The following ACO1 variants were observed in gnomAD, a reference collection of about 807,000 sequenced individuals.
ACO1 encodes the protein aconitase 1.
Under a neutral mutation model 105.1 loss-of-function variants are expected in ACO1, and 78 were observed. The observed-to-expected ratio is 0.74, with a 90% CI of 0.62 to 0.90. The LOEUF is 0.90. ACO1 is among the 40% of genes least tolerant of loss of function. The pLI, the probability that ACO1 is intolerant of heterozygous loss-of-function variation, is 0.00. For synonymous variants in ACO1, 364 were observed against 397.4 expected (o/e 0.92, Z 1.00); for missense variants, 965 against 1,111.1 (o/e 0.87, Z 1.87).
At position 32,423,177 on chromosome 9, in the gene ACO1, A is replaced by T. The variant is rs1822012521; in HGVS notation, c.971-142A>T. On this transcript the variant is annotated intron_variant, in intron 8 of 20. Coordinates refer to ENST00000309951, the MANE Select transcript of ACO1 (RefSeq NM_002197.3). The stretch of plus-strand genomic sequence containing the variant: ...GTCAAACCATTAGCCTGGAAGCCTA[A>T]AAATTGACAGAGCTGTTGGTGTGTG... The T allele has an allele frequency of 9.5e-6, 5 of 524,552 alleles. No homozygotes were observed. In the Admixed American group the frequency reaches 1.7e-4, roughly 18 times the overall value. 32.5% of individuals were successfully genotyped at this position (524,552 alleles called of 1,614,324 possible). A position where few individuals can be genotyped will look rare whatever the true frequency, so the allele number is the denominator to read the frequency against.
chr9:32,395,015 C>T (rs7847742), intron 1 of ACO1, among the ~76,000 whole-genome samples: 65,841 of 151,950 alleles, frequency 0.43, 14,778 homozygotes, highest in Non-Finnish European at 0.5. Context: ...ATTCCTAATT[C>T]CTAAAGTTTG....
chr9:32,435,927 T>C (rs1822345695), intron 17 of ACO1: 3 of 455,538 alleles, frequency 6.6e-6, no homozygotes, highest in South Asian at 5.3e-5. Flanking sequence ...CTCTTTATCT[T>C]ATATGAAGCT....
chr9:32,443,717 T>A (rs763321550), intron 19 of ACO1, among the ~76,000 whole-genome samples: 54 of 152,342 alleles, frequency 3.5e-4, no homozygotes, highest in Non-Finnish European at 5.3e-4. Context: ...AGTGTAGTGA[T>A]ATTTTTCACT....
intron 1 of ACO1, among the ~76,000 whole-genome samples, chr9:32,391,017 T>C (rs1821257155): frequency 6.6e-6 from 1 of 152,224 alleles, no homozygotes. Context: ...TTAGAATGTA[T>C]ATTTAAATCT....
intron 1 of ACO1, among the ~76,000 whole-genome samples, chr9:32,388,448 T>C (rs1377648911): frequency 5.3e-5 from 8 of 151,882 alleles, no homozygotes; most frequent in Admixed American, 5.2e-4. Context: ...GGCAGGAAGA[T>C]CACCTGGGAA....
At position 32,450,079 on chromosome 9, in the gene ACO1, C is replaced by CTCAACTACATGATCCGCA; in HGVS notation, c.2639_2656dup (p.Arg885_Lys886insIleAsnTyrMetIleArg). On this transcript the variant is annotated inframe_insertion, in exon 21 of 21. Transcript: ENST00000309951. ...CACTTATTTCCTCAACGGGGGCATC[C>CTCAACTACATGATCCGCA]TCAACTACATGATCCGCAAGATGGC... is the stretch of plus-strand genomic sequence containing the variant. 1 of 1,613,898 alleles carries CTCAACTACATGATCCGCA rather than the reference C, an allele frequency of 6.2e-7. No homozygotes were observed. Among genetic ancestry groups the CTCAACTACATGATCCGCA allele is most frequent in the South Asian group, 1.1e-5 (1 of 91,072 alleles).
At chr9:32,406,789 CTCTT>C (rs1466009865) in intron 2 of ACO1, among the ~76,000 whole-genome samples, 2 of 152,054 alleles carry the variant, frequency 1.3e-5, no homozygotes, top group African/African-American at 2.4e-5. Context: ...CACTGAATAT[CTCTT>C]TCTTTTTTGA....
In ACO1 at chr9:32,424,670, G is replaced by C; in HGVS notation, c.1188+5G>C. 1.2e-6 allele frequency: 2 copies of C among 1,602,484 alleles called. No individual in the cohort carries two copies. The highest frequency in any genetic ancestry group is 1.7e-6 in the Non-Finnish European group (2 of 1,170,466). ...GAGAGCTGCCTTGGAGCCAAGGTAG[G>C]GGCCTGCGGGAAGAGGTTGAATCCT... On this transcript the variant is annotated splice_donor_5th_base_variant and intron_variant, in intron 10 of 20. Coordinates refer to ENST00000309951, the MANE Select transcript of ACO1 (RefSeq NM_002197.3).
rs114481658 is a variant in ACO1 at position 32,396,742 on chromosome 9, A to G, written c.-22-8743A>G. On this transcript the variant is annotated intron_variant, in intron 1 of 20. Transcript: ENST00000309951. ...GTTTAGTCTGTCTCCTTCCATTAAAATGGAAGTACTATGAGGGCAGGGACT... is the reference window on the plus strand; with the variant it reads ...GTTTAGTCTGTCTCCTTCCATTAAAGTGGAAGTACTATGAGGGCAGGGACT... 9.3e-4 allele frequency among the ~76,000 whole-genome samples: 142 copies of G among 152,306 alleles called. 1 individual carries two copies. The highest frequency in any genetic ancestry group is 3.3e-3 in the African/African-American group (138 of 41,558).
Position 32,436,636 on chromosome 9 carries a change from T to C in ACO1, c.2247+239T>C, listed in dbSNP as rs367875714. ...TTCACTGAGTCTCTTTTCTTAGGAA[T>C]TGAGCTTTGAGTGACATTTCATTTA... is the stretch of plus-strand genomic sequence containing the variant. On this transcript the variant is annotated intron_variant, in intron 18 of 20. Transcript: ENST00000309951. 3.9e-5 allele frequency among the ~76,000 whole-genome samples: 6 copies of C among 152,346 alleles called. No homozygotes were observed. The East Asian group carries it at 7.7e-4, about 20-fold the overall frequency.
At chr9:32,398,583 T>G (rs538963471) in intron 1 of ACO1, among the ~76,000 whole-genome samples, 43 of 151,812 alleles carry the variant, frequency 2.8e-4, no homozygotes, top group South Asian at 8.3e-4. Context: ...CTTTGTTTTT[T>G]TTTGTTTGTT....
At chr9:32,413,482 CAAAAA>C (rs35294620) in intron 4 of ACO1, among the ~76,000 whole-genome samples, 23 of 132,642 alleles carry the variant, frequency 1.7e-4, no homozygotes, top group Non-Finnish European at 2.4e-4. Flanking sequence ...GACTCTATCT[CAAAAA>C]AAAAAAAAAA....
At chr9:32,410,529 C>T (rs1338493312) in intron 4 of ACO1, among the ~76,000 whole-genome samples, 1 of 151,730 alleles carries the variant, frequency 6.6e-6, no homozygotes, top group Non-Finnish European at 1.5e-5. Context: ...CACTGCACTC[C>T]AGCCTGGGCG....
chr9:32,394,660 C>T (rs1378907773), intron 1 of ACO1, among the ~76,000 whole-genome samples: 1 of 152,226 alleles, frequency 6.6e-6, no homozygotes, highest in African/African-American at 2.4e-5. Context: ...CCAGTTCCCT[C>T]TCTCAGCACG....
chr9:32,426,423 G>T (rs1231690852), intron 11 of ACO1, among the ~76,000 whole-genome samples: 2 of 152,304 alleles, frequency 1.3e-5, no homozygotes, highest in East Asian at 3.9e-4. Context: ...GATAAAACCT[G>T]GGGCCACTGG....
chr9:32,384,648 G>A lies in ACO1; in HGVS notation c.-110G>A, dbSNP rs748308135. 9 of 385,612 alleles carry A rather than the reference G, an allele frequency of 2.3e-5. 1 individual carries two copies. The highest frequency in any genetic ancestry group is 1.4e-4 in the South Asian group (8 of 57,144). 23.9% of individuals were successfully genotyped at this position (385,612 alleles called of 1,614,324 possible). A position where few individuals can be genotyped will look rare whatever the true frequency, so the allele number is the denominator to read the frequency against. ...GCGAGAGGGGGCGGAGCGTGGAGGCGGCAGCTGGAACCGCGCAGCGCACGG... is the reference window on the plus strand; with the variant it reads ...GCGAGAGGGGGCGGAGCGTGGAGGCAGCAGCTGGAACCGCGCAGCGCACGG... On this transcript the variant is annotated 5_prime_UTR_variant, in exon 1 of 21. Transcript: ENST00000309951.
chr9:32,408,729 A>G, intron 4 of ACO1, 78 bp downstream of exon 4: 2 of 1,462,332 alleles, frequency 1.4e-6, no homozygotes, highest in Non-Finnish European at 1.8e-6. Context: ...AAATGTGTAT[A>G]TGTAGTTAAA....
chr9:32,424,353 A>G (rs924087226), intron 9 of ACO1, among the ~76,000 whole-genome samples, 196 bp from the exon 10 acceptor site: 1 of 152,220 alleles, frequency 6.6e-6, no homozygotes, highest in African/African-American at 2.4e-5. Context: ...TTAAGTGCCC[A>G]TGATGATCTT....
chr9:32,390,808 T>C (rs955107657), intron 1 of ACO1, among the ~76,000 whole-genome samples: 1 of 152,210 alleles, frequency 6.6e-6, no homozygotes, highest in Non-Finnish European at 1.5e-5. Flanking sequence ...AAACGTAGCT[T>C]TCTAAAAAGA....
Sources: allele counts gnomAD v4.1 joint callset (sites outside exome capture counted in the v4.1 genomes callset), GRCh38; gene constraint gnomAD v4.1.1; transcripts MANE v1.5; gene names NCBI Gene and HGNC (gene_info 2026-07-23, HGNC 2026-07-21).